The following HLA-DRA variants were observed in gnomAD, a reference collection of about 807,000 sequenced individuals.
The protein encoded by HLA-DRA is HLA class II histocompatibility antigen, DR alpha chain.
HLA-DRA carries 8 observed loss-of-function variants against 22.1 expected under a neutral mutation model. The ratio of observed to expected loss-of-function variants is 0.36; its 90% confidence interval spans 0.21 to 0.65. The LOEUF is 0.65. Ranked by LOEUF, HLA-DRA falls within the 30% of genes least tolerant of loss-of-function variation. The probability of loss-of-function intolerance (pLI) is 0.63; values close to 1 mark genes in which losing one functional copy is unlikely to be tolerated. For synonymous variants in HLA-DRA, 101 were observed against 117.1 expected, an observed-to-expected ratio of 0.86 and a Z score of 0.89; for missense variants, 248 against 321.3, an observed-to-expected ratio of 0.77 and a Z score of 1.74.
intron 4 of HLA-DRA, 50 bp downstream of exon 4, chr6:32,443,971 G>C: frequency 2.2e-6 from 3 of 1,334,148 alleles, no homozygotes; most frequent in Non-Finnish European, 2.0e-6. Context: ...ATCTGAGGGA[G>C]GAAAACAGGG....
chr6:32,442,670 C>G lies in HLA-DRA; in HGVS notation c.305C>G (p.Ser102Cys). The G allele has an allele frequency of 6.2e-7, 1 of 1,613,088 alleles. No homozygotes were observed. The highest frequency in any genetic ancestry group is 8.5e-7 in the Non-Finnish European group (1 of 1,180,028). Residue 102 changes from serine (S) to cysteine (C), a missense_variant, in exon 2 of 5, where the codon TCC (serine) becomes TGC (cysteine). By Grantham distance (112) the Ser-to-Cys change is moderately radical. Transcript: ENST00000395388. The stretch of plus-strand genomic sequence containing the variant: ...AACCTGGAAATCATGACAAAGCGCT[C>G]CAACTATACTCCGATCACCAATGGT... ...KANLEIMTKRSNYTPITNVPP... is the reference protein window; with the variant it reads ...KANLEIMTKRCNYTPITNVPP...
intron 1 of HLA-DRA, among the ~76,000 whole-genome samples, chr6:32,440,334 C>T (rs1762539404): frequency 6.6e-6 from 1 of 151,754 alleles, no homozygotes; most frequent in Non-Finnish European, 1.5e-5. Context: ...TTCTGGCAAG[C>T]ATTAACAAGT....
rs1762767990 is a variant in HLA-DRA, at chr6:32,443,797, G to C, written c.652G>C (p.Val218Leu). 9.9e-6 allele frequency: 16 copies of C among 1,611,202 alleles called. No homozygotes were observed. Among genetic ancestry groups the C allele is most frequent in the Non-Finnish European group, 1.4e-5 (16 of 1,179,210 alleles). Residue 218 changes from valine (V) to leucine (L), a missense_variant, in exon 4 of 5, where the codon GTG becomes CTG. By Grantham distance (32) the Val-to-Leu change is conservative. Coordinates refer to ENST00000395388, the MANE Select transcript of HLA-DRA (RefSeq NM_019111.5). ...CCCTCTCCCAGAGACTACAGAGAAC[G>C]TGGTGTGTGCCCTGGGCCTGACTGT... is the stretch of plus-strand genomic sequence containing the variant. ...PSPLPETTEN[V>L]VCALGLTVGL...
At position 32,439,910 on chromosome 6, in the gene HLA-DRA, C is replaced by A; in HGVS notation, c.-41C>A. The A allele has an allele frequency of 6.6e-7, 1 of 1,511,398 alleles. No homozygotes were observed. Among genetic ancestry groups the A allele is most frequent in the Non-Finnish European group, 9.2e-7 (1 of 1,086,304 alleles). The allele number at this position is 1,511,398 out of a possible 1,614,324, so 93.6% of individuals were successfully genotyped here. ...TTATTCTTGTCTGTTCTGCCTCACT[C>A]CCGAGCTCTACTGACTCCCAACAGA... On this transcript the variant is annotated 5_prime_UTR_variant, in exon 1 of 5. Coordinates refer to ENST00000395388, the MANE Select transcript of HLA-DRA (RefSeq NM_019111.5).
chr6:32,442,817 A>T, intron 2 of HLA-DRA, 124 bp downstream of exon 2: 1 of 1,178,832 alleles, frequency 8.5e-7, no homozygotes, highest in Non-Finnish European at 1.2e-6. Context: ...TGCCATTAAC[A>T]AGCCCCAAAT....
chr6:32,441,293 G>A (rs1277665873), intron 1 of HLA-DRA, among the ~76,000 whole-genome samples: 6 of 152,212 alleles, frequency 3.9e-5, no homozygotes, highest in Non-Finnish European at 8.8e-5. Flanking sequence ...GGGAGGCGGA[G>A]GTTGCAGTGA....
chr6:32,440,957 G>C (rs1188655212), intron 1 of HLA-DRA, among the ~76,000 whole-genome samples: 1 of 152,198 alleles, frequency 6.6e-6, no homozygotes, highest in Non-Finnish European at 1.5e-5. Context: ...AAAGACAGAG[G>C]ATCTTCCCTT....
intron 1 of HLA-DRA, 120 bp downstream of exon 1, chr6:32,440,152 C>T: frequency 1.1e-6 from 1 of 874,646 alleles, no homozygotes. Flanking sequence ...ATTATGTGGT[C>T]TCGACAGAAA....
intron 4 of HLA-DRA, among the ~76,000 whole-genome samples, chr6:32,444,165 C>T (rs1387356463): frequency 1.3e-5 from 2 of 151,958 alleles, no homozygotes; most frequent in Non-Finnish European, 2.9e-5. Flanking sequence ...ATCTCCAGTA[C>T]CTAAAACCAT....
In HLA-DRA at chr6:32,443,178, C is replaced by A. The variant is rs751145118; in HGVS notation, c.329-7C>A. The A allele has an allele frequency of 9.3e-6, 15 of 1,609,472 alleles. No individual in the cohort carries two copies. Among genetic ancestry groups the A allele is most frequent in the Non-Finnish European group, 1.2e-5 (14 of 1,177,058 alleles). On this transcript the variant is annotated splice_polypyrimidine_tract_variant and splice_region_variant and intron_variant, in intron 2 of 4. Coordinates refer to ENST00000395388, the MANE Select transcript of HLA-DRA (RefSeq NM_019111.5). ...GATTTCTGTCATGTCTGTCATGTGT[C>A]CCCCAGTACCTCCAGAGGTAACTGT...
chr6:32,443,972 G>T, intron 4 of HLA-DRA, 51 bp downstream of exon 4: 1 of 1,338,404 alleles, frequency 7.5e-7, no homozygotes. Context: ...TCTGAGGGAG[G>T]AAAACAGGGT....
chr6:32,440,625 G>A (rs1762559116), intron 1 of HLA-DRA, among the ~76,000 whole-genome samples: 1 of 152,158 alleles, frequency 6.6e-6, no homozygotes, highest in African/African-American at 2.4e-5. Flanking sequence ...TTGCCTCATG[G>A]GACAGTGATA....
intron 2 of HLA-DRA, 75 bp from the exon 3 acceptor site, chr6:32,443,110 T>C: frequency 3.8e-6 from 5 of 1,328,956 alleles, no homozygotes; most frequent in Non-Finnish European, 5.3e-6. Context: ...TGTACCACAA[T>C]TGAGCATGGG....
chr6:32,443,156 TTCTGTCATG>T lies in HLA-DRA; in HGVS notation c.329-18_329-10del. On this transcript the variant is annotated intron_variant, in intron 2 of 4. Transcript: ENST00000395388. ...GTGAGCCTAAGCAGTGATGGCTGAT[TTCTGTCATG>T]TCTGTCATGTGTCCCCCAGTACCTC... 1 of 1,598,060 alleles carries T rather than the reference TTCTGTCATG, an allele frequency of 6.3e-7. No individual in the cohort carries two copies.
chr6:32,442,936 G>A (rs2150374703), intron 2 of HLA-DRA, among the ~76,000 whole-genome samples: 1 of 152,230 alleles, frequency 6.6e-6, no homozygotes, highest in South Asian at 2.1e-4. Context: ...CTAAGTTCAT[G>A]CTGGGGGAGC....
At position 32,443,438 on chromosome 6, in the gene HLA-DRA, C is replaced by A; in HGVS notation, c.582C>A (p.Gly194=). 1 of 1,612,964 alleles carries A rather than the reference C, an allele frequency of 6.2e-7. No individual in the cohort carries two copies. Among genetic ancestry groups the A allele is most frequent in the Non-Finnish European group, 8.5e-7 (1 of 1,179,936 alleles). Residue 194 remains glycine (G), a synonymous_variant, in exon 3 of 5, where the codon GGC becomes GGA. Transcript: ENST00000395388. Reference sequence around the variant, plus strand: ...ACGACTGCAGGGTGGAGCACTGGGGCTTGGATGAGCCTCTTCTCAAGCACT... The same window carrying A: ...ACGACTGCAGGGTGGAGCACTGGGGATTGGATGAGCCTCTTCTCAAGCACT... ...DVYDCRVEHW[G]LDEPLLKHWE... is the part of the protein sequence containing the mutation.
chr6:32,442,800 C>A, intron 2 of HLA-DRA, 107 bp downstream of exon 2: 1 of 1,320,070 alleles, frequency 7.6e-7, no homozygotes, highest in Non-Finnish European at 1.1e-6. Context: ...CTCCAAGGGT[C>A]TAACCTTGCC....
intron 2 of HLA-DRA, 133 bp downstream of exon 2, chr6:32,442,826 A>C: frequency 1.9e-6 from 2 of 1,072,548 alleles, no homozygotes; most frequent in Non-Finnish European, 2.7e-6. Flanking sequence ...CAAGCCCCAA[A>C]TTCTCATGCC....
chr6:32,443,546 T>A, intron 3 of HLA-DRA, 80 bp downstream of exon 3: 3 of 1,312,168 alleles, frequency 2.3e-6, no homozygotes, highest in Non-Finnish European at 3.2e-6. Context: ...TCTAACTGTT[T>A]CATAATATCT....
Sources: gnomAD v4.1 joint callset for allele counts (sites outside exome capture counted in the v4.1 genomes callset) on GRCh38, gnomAD v4.1.1 for gene constraint, MANE v1.5 for transcripts, NCBI Gene and HGNC (gene_info 2026-07-23, HGNC 2026-07-21) for gene names.